The following MITF variants were observed in gnomAD, a reference collection of about 807,000 sequenced individuals.
The protein encoded by MITF is melanocyte inducing transcription factor, also known as microphthalmia-associated transcription factor.
In MITF, 17 loss-of-function variants were observed where a neutral mutation model predicts 60.5. That is an observed-to-expected ratio of 0.28 (90% CI 0.19 to 0.42). MITF has a LOEUF of 0.42. MITF is among the 10% of genes least tolerant of loss of function. The probability of loss-of-function intolerance (pLI) is 1.00; values close to 1 mark genes in which losing one functional copy is unlikely to be tolerated. For synonymous variants in MITF, 260 were observed against 248.5 expected (o/e 1.05, Z -0.43); for missense variants, 622 against 683.5 (o/e 0.91, Z 1.00).
intron 9 of MITF, among the ~76,000 whole-genome samples, chr3:69,961,389 A>C (rs2066541679): frequency 6.7e-6 from 1 of 149,726 alleles, no homozygotes; most frequent in Non-Finnish European, 1.5e-5. Context: ...CTCAAAAAAA[A>C]ACAAAAAAAT....
intron 7 of MITF, among the ~76,000 whole-genome samples, chr3:69,953,595 AT>A (rs1361048005): frequency 1.1e-4 from 16 of 149,504 alleles, no homozygotes; most frequent in Admixed American, 9.4e-4. Context: ...GTGTATATAT[AT>A]ATATGTATGT....
In MITF at chr3:69,845,870, C is replaced by T. The variant is rs180747466; in HGVS notation, c.105-33264C>T. Among the ~76,000 whole-genome samples the T allele has an allele frequency of 4.1e-4, 62 of 152,246 alleles. 1 individual carries two copies. Among genetic ancestry groups the T allele is most frequent in the African/African-American group, 1.3e-3 (54 of 41,538 alleles). ...TCCCTCTTAGAGCCGCGAGCTTCCT[C>T]GGCAGGAGTGTCATGGCTCTGTGTG... On this transcript the variant is annotated intron_variant, in intron 1 of 9. Coordinates refer to ENST00000352241, the MANE Select transcript of MITF (RefSeq NM_001354604.2).
chr3:69,876,231 C>T (rs987172416), intron 1 of MITF, among the ~76,000 whole-genome samples: 2 of 152,132 alleles, frequency 1.3e-5, no homozygotes, highest in African/African-American at 4.8e-5. Context: ...GTATCACAGC[C>T]AATGACTCGT....
chr3:69,784,384 CT>C, intron 1 of MITF, among the ~76,000 whole-genome samples: 1 of 152,192 alleles, frequency 6.6e-6, no homozygotes, highest in South Asian at 2.1e-4. Context: ...ATAGAGGCTA[CT>C]TTTTGGGGTA....
In MITF at chr3:69,967,769, C is replaced by G. The variant is rs2066725573; in HGVS notation, c.*2521C>G. 4.3e-6 allele frequency: 1 copy of G among 233,008 alleles called. No individual in the cohort carries two copies. The highest frequency in any genetic ancestry group is 1.3e-3 in the Middle Eastern group (1 of 784). 14.4% of individuals were successfully genotyped at this position (233,008 alleles called of 1,614,324 possible). On this transcript the variant is annotated 3_prime_UTR_variant, in exon 10 of 10. Transcript: ENST00000352241. ...GATTCATTTCAGGGGCTAGCTAAGC[C>G]AAGAGGCAGTGGTTTGGGCTTGTTG... is the stretch of plus-strand genomic sequence containing the variant.
chr3:69,795,728 A>G (rs7624235), intron 1 of MITF, among the ~76,000 whole-genome samples: 52,427 of 152,060 alleles, frequency 0.34, 9,932 homozygotes, highest in Non-Finnish European at 0.42. Context: ...CGTGTTTCAG[A>G]AAATAAAAGG....
intron 1 of MITF, among the ~76,000 whole-genome samples, chr3:69,840,095 A>G (rs1355783182): frequency 6.6e-6 from 1 of 152,202 alleles, no homozygotes; most frequent in African/African-American, 2.4e-5. Flanking sequence ...AGAATCTGAG[A>G]TGATACTATA....
At chr3:69,845,191 G>A (rs1262397159) in intron 1 of MITF, among the ~76,000 whole-genome samples, 1 of 151,708 alleles carries the variant, frequency 6.6e-6, no homozygotes, top group Non-Finnish European at 1.5e-5. Flanking sequence ...GTTCATCTTG[G>A]GATGTTGTGT....
At chr3:69,953,629 G>GTA (rs56046640) in intron 7 of MITF, among the ~76,000 whole-genome samples, 46 of 141,970 alleles carry the variant, frequency 3.2e-4, no homozygotes, top group Admixed American at 7.8e-4. Context: ...ATATATGTGT[G>GTA]TATATATATA....
chr3:69,798,420 C>T (rs1160695784), intron 1 of MITF, among the ~76,000 whole-genome samples: 1 of 152,168 alleles, frequency 6.6e-6, no homozygotes, highest in African/African-American at 2.4e-5. Flanking sequence ...ATTTATCATT[C>T]AGAGTTGTTG....
chr3:69,942,448 A>G (rs1376284892), intron 5 of MITF, among the ~76,000 whole-genome samples: 4 of 152,116 alleles, frequency 2.6e-5, no homozygotes, highest in Non-Finnish European at 5.9e-5. Flanking sequence ...ATTGAGTCTT[A>G]TAGTTAGCAT....
chr3:69,875,183 C>G (rs931194146), intron 1 of MITF, among the ~76,000 whole-genome samples: 21 of 152,164 alleles, frequency 1.4e-4, no homozygotes, highest in African/African-American at 4.8e-4. Flanking sequence ...ATCGGTGGCC[C>G]TCCTCCTCGA....
intron 2 of MITF, among the ~76,000 whole-genome samples, chr3:69,906,957 C>T (rs1360579337): frequency 6.6e-6 from 1 of 152,202 alleles, no homozygotes; most frequent in Admixed American, 6.5e-5. Flanking sequence ...ATATGCTGGT[C>T]ACTCTGCTAA....
At chr3:69,749,490 T>C (rs1703849601) in intron 1 of MITF, among the ~76,000 whole-genome samples, 1 of 152,248 alleles carries the variant, frequency 6.6e-6, no homozygotes, top group South Asian at 2.1e-4. Context: ...TAATTTATAA[T>C]GCTTTTGGCA....
chr3:69,760,732 C>T (rs1425458308), intron 1 of MITF, among the ~76,000 whole-genome samples: 6 of 152,124 alleles, frequency 3.9e-5, no homozygotes, highest in East Asian at 1.9e-4. Context: ...AGGAAATAAG[C>T]GCTGGTAGTC....
At chr3:69,901,987 A>G (rs1297256174) in intron 2 of MITF, among the ~76,000 whole-genome samples, 2 of 152,216 alleles carry the variant, frequency 1.3e-5, no homozygotes, top group African/African-American at 4.8e-5. Context: ...AATGGGTAGT[A>G]GTAATGTGAT....
At chr3:69,925,769 A>G (rs2065571728) in intron 2 of MITF, among the ~76,000 whole-genome samples, 1 of 152,024 alleles carries the variant, frequency 6.6e-6, no homozygotes, top group South Asian at 2.1e-4. Flanking sequence ...GCTGCTTCCT[A>G]CCTCAGTATC....
At chr3:69,835,097 T>C (rs1242997589) in intron 1 of MITF, among the ~76,000 whole-genome samples, 1 of 148,316 alleles carries the variant, frequency 6.7e-6, no homozygotes, top group Non-Finnish European at 1.5e-5. Context: ...TGGCTTACTG[T>C]AGTCTTGACC....
intron 2 of MITF, among the ~76,000 whole-genome samples, chr3:69,912,321 T>C (rs926272383): frequency 6.6e-6 from 1 of 152,194 alleles, no homozygotes; most frequent in Admixed American, 6.5e-5. Flanking sequence ...CAATATTTAA[T>C]ACAAAGCAAA....
Sources: gnomAD v4.1 joint callset for allele counts (sites outside exome capture counted in the v4.1 genomes callset) on GRCh38, gnomAD v4.1.1 for gene constraint, MANE v1.5 for transcripts, NCBI Gene and HGNC (gene_info 2026-07-23, HGNC 2026-07-21) for gene names.